CR1: variants seen among roughly 807,000 people sequenced by gnomAD.
CR1 encodes complement receptor type 1.
CR1 carries 116 observed loss-of-function variants against 187.3 expected under a neutral mutation model. That is an observed-to-expected ratio of 0.62 (90% CI 0.53 to 0.72). CR1 has a LOEUF of 0.72. CR1 is among the 30% of genes least tolerant of loss of function. The probability of loss-of-function intolerance (pLI) is 0.00; values close to 1 mark genes in which losing one functional copy is unlikely to be tolerated. For missense variants in CR1, 1,731 were observed against 2,110.7 expected (o/e 0.82, Z 3.52); for synonymous variants, 576 against 747.1 (o/e 0.77, Z 3.73).
rs1429532808 is a variant in CR1, at chr1:207,556,653, A to ATATG, written c.3102-1882_3102-1881insGTAT. Among the ~76,000 whole-genome samples, 636 of 64,576 alleles carry ATATG rather than the reference A, an allele frequency of 9.8e-3. 61 individuals carry two copies. Among genetic ancestry groups the ATATG allele is most frequent in the African/African-American group, 0.026 (561 of 21,708 alleles). 42.4% of individuals were successfully genotyped at this position (64,576 alleles called of 152,430 possible). A position where few individuals can be genotyped will look rare whatever the true frequency, so the allele number is the denominator to read the frequency against. On this transcript the variant is annotated intron_variant, in intron 19 of 46. Coordinates refer to ENST00000367049, the MANE Select transcript of CR1 (RefSeq NM_000651.6). Reference sequence around the variant, plus strand: ...TTCATACATGTGATCTATATCATATATATATATATATATATATATATATAT... The same window carrying ATATG: ...TTCATACATGTGATCTATATCATATATATGTATATATATATATATATATATATAT...
intron 23 of CR1, among the ~76,000 whole-genome samples, chr1:207,564,626 C>A (rs9429791): frequency 0.043 from 6,366 of 149,776 alleles, 1,108 homozygotes; most frequent in African/African-American, 0.15. Flanking sequence ...CATGGTGAAA[C>A]CCTGTCTCTA....
intron 39 of CR1, among the ~76,000 whole-genome samples, chr1:207,612,657 G>A (rs556849358): frequency 5.3e-5 from 8 of 152,348 alleles, no homozygotes; most frequent in South Asian, 4.1e-4. Context: ...CCCACTGGGC[G>A]GCGTCTGGCT....
intron 40 of CR1, among the ~76,000 whole-genome samples, chr1:207,616,281 C>A (rs894683303): frequency 1.3e-5 from 2 of 152,020 alleles, no homozygotes; most frequent in African/African-American, 4.8e-5. Context: ...AGTAGACAAC[C>A]AAATGGGTGT....
chr1:207,592,178 T>C lies in CR1; in HGVS notation c.5810+3404T>C, dbSNP rs905656281. ...TCAGGCCAATATCCCTGATGAACATTGATGCAAAAATCCTCAATAAAATAC... is the reference window on the plus strand; with the variant it reads ...TCAGGCCAATATCCCTGATGAACATCGATGCAAAAATCCTCAATAAAATAC... On this transcript the variant is annotated intron_variant, in intron 35 of 46. Coordinates refer to ENST00000367049, the MANE Select transcript of CR1 (RefSeq NM_000651.6). Among the ~76,000 whole-genome samples, 23 of 152,250 alleles carry C rather than the reference T, an allele frequency of 1.5e-4. No homozygotes were observed. The South Asian group carries it at 2.7e-3, about 18-fold the overall frequency.
At chr1:207,623,970 G>C (rs1662404992) in intron 45 of CR1, among the ~76,000 whole-genome samples, 1 of 136,034 alleles carries the variant, frequency 7.4e-6, no homozygotes, top group South Asian at 2.3e-4. Context: ...CTGTCACCCA[G>C]GCTGGAGTGC....
rs779191296 is a variant in CR1, at chr1:207,575,647, G to A, written c.4504G>A (p.Ala1502Thr). The change falls in exon 28 of 47, where the codon GCC becomes ACC. Residue 1502 changes from alanine (A) to threonine (T), a missense_variant. By Grantham distance (58) the Ala-to-Thr change is moderately conservative. Around this residue, in one of 5 missense-constraint regions of CR1, gnomAD observed 1,312 missense variants for 1,379.6 expected, o/e 0.95. Transcript: ENST00000367049. ...TGAATGTATCCTCTCAGGCAATACT[G>A]CCCATTGGAGCACGAAGCCGCCAAT... ...SAECILSGNT[A>T]HWSTKPPICQ... is the part of the protein sequence containing the mutation. 54 of 1,611,664 alleles carry A rather than the reference G, an allele frequency of 3.4e-5. No individual in the cohort carries two copies. The highest frequency in any genetic ancestry group is 3.6e-5 in the Non-Finnish European group (43 of 1,179,696).
At chr1:207,599,490 A>T (rs1404992323) in intron 35 of CR1, among the ~76,000 whole-genome samples, 1 of 152,084 alleles carries the variant, frequency 6.6e-6, no homozygotes, top group African/African-American at 2.4e-5. Flanking sequence ...TACTAATCCC[A>T]CTCCTAGGAA....
intron 46 of CR1, among the ~76,000 whole-genome samples, chr1:207,632,233 G>C (rs1034281883): frequency 6.6e-6 from 1 of 152,052 alleles, no homozygotes; most frequent in African/African-American, 2.4e-5. Flanking sequence ...ATTCAGAATT[G>C]ATATTTTACT....
At position 207,623,087 on chromosome 1, in the gene CR1, T is replaced by C. The variant is rs1240641000; in HGVS notation, c.7352+19T>C. ...GAAAAGGGTAAGTATAGCCATATTA[T>C]CCCAAGAAATGTAAACTGTACTTAC... On this transcript the variant is annotated intron_variant, in intron 45 of 46. Transcript: ENST00000367049. The C allele has an allele frequency of 1.3e-5, 20 of 1,524,734 alleles. No homozygotes were observed. Among genetic ancestry groups the C allele is most frequent in the Non-Finnish European group, 1.7e-5 (19 of 1,117,254 alleles). 94.5% of individuals were successfully genotyped at this position (1,524,734 alleles called of 1,614,324 possible). A position where few individuals can be genotyped will look rare whatever the true frequency, so the allele number is the denominator to read the frequency against.
chr1:207,617,950 CT>C, intron 41 of CR1, 120 bp from the exon 42 acceptor site: 1 of 1,062,720 alleles, frequency 9.4e-7, no homozygotes, highest in East Asian at 2.6e-5. Flanking sequence ...GGCTTATGAC[CT>C]GGCTGGTTGA....
intron 1 of CR1, among the ~76,000 whole-genome samples, chr1:207,502,955 G>A (rs930791768): frequency 2.0e-5 from 3 of 152,206 alleles, no homozygotes; most frequent in Non-Finnish European, 4.4e-5. Context: ...AGGTCATCCA[G>A]TGCATTCCCG....
In CR1 at chr1:207,565,849, A is replaced by G. The variant is rs1306297051; in HGVS notation, c.3878A>G (p.Lys1293Arg). 6.2e-7 allele frequency: 1 copy of G among 1,610,716 alleles called. No homozygotes were observed. Among genetic ancestry groups the G allele is most frequent in the East Asian group, 2.2e-5 (1 of 44,870 alleles). The change falls in exon 24 of 47, where the codon AAA becomes AGA. Residue 1293 changes from lysine (K) to arginine (R), a missense_variant. Physicochemically the swap from Lys to Arg is conservative, Grantham distance 26 (BLOSUM62 2). Around this residue, in one of 5 missense-constraint regions of CR1, gnomAD observed 1,312 missense variants for 1,379.6 expected, o/e 0.95. Transcript: ENST00000367049. ...DFVCDEGFQL[K>R]GSSASYCVLA... ...ATTTTCTTCTTTAGATTTCAATTAA[A>G]AGGCAGCTCTGCTAGTTATTGTGTC...
At chr1:207,579,436 A>G (rs933276886) in intron 29 of CR1, among the ~76,000 whole-genome samples, 2 of 152,198 alleles carry the variant, frequency 1.3e-5, no homozygotes, top group African/African-American at 2.4e-5. Context: ...TCTGGTCACA[A>G]TCCTGCTGAC....
chr1:207,594,768 A>C (rs1235144039), intron 35 of CR1, among the ~76,000 whole-genome samples: 2 of 152,152 alleles, frequency 1.3e-5, no homozygotes, highest in Non-Finnish European at 2.9e-5. Context: ...CTGAGCCTGG[A>C]CGATTTAAAC....
At chr1:207,592,099 C>G (rs1192427647) in intron 35 of CR1, among the ~76,000 whole-genome samples, 1 of 152,158 alleles carries the variant, frequency 6.6e-6, no homozygotes, top group Non-Finnish European at 1.5e-5. Flanking sequence ...TTTTATGAGG[C>G]CAGCATCATC....
intron 45 of CR1, among the ~76,000 whole-genome samples, chr1:207,626,106 G>C (rs1330768379): frequency 1.3e-5 from 2 of 152,100 alleles, no homozygotes; most frequent in Admixed American, 1.3e-4. Flanking sequence ...TGGTTAGCTT[G>C]GCCTACACCC....
At chr1:207,522,189 A>T (rs1660020262) in intron 4 of CR1, among the ~76,000 whole-genome samples, 1 of 152,080 alleles carries the variant, frequency 6.6e-6, no homozygotes, top group Non-Finnish European at 1.5e-5. Flanking sequence ...TCCAGATGGA[A>T]TTTTTGTCAT....
intron 35 of CR1, chr1:207,600,881 T>G (rs1264415497): frequency 2.0e-5 from 3 of 152,156 alleles, no homozygotes; most frequent in Non-Finnish European, 2.9e-5. Context: ...TTACATTATT[T>G]ATCTTCTTAA....
intron 45 of CR1, among the ~76,000 whole-genome samples, chr1:207,624,116 G>A (rs1244667998): frequency 2.6e-5 from 4 of 151,634 alleles, no homozygotes; most frequent in African/African-American, 9.7e-5. Context: ...AGTACAGAAA[G>A]GGTTTTGCCA....
Sources: allele counts gnomAD v4.1 joint callset (sites outside exome capture counted in the v4.1 genomes callset), GRCh38; gene constraint gnomAD v4.1.1; regional missense constraint gnomAD v4.1.1; transcripts MANE v1.5; gene names NCBI Gene and HGNC (gene_info 2026-07-23, HGNC 2026-07-21).